The following RAD51B variants were observed in gnomAD, a reference collection of about 807,000 sequenced individuals.
RAD51B encodes the protein DNA repair protein RAD51 homolog 2.
In RAD51B, 38 loss-of-function variants were observed where a neutral mutation model predicts 42.2. The observed-to-expected ratio is 0.90, with a 90% CI of 0.70 to 1.18. RAD51B has a LOEUF of 1.18. Among genes scored for constraint, RAD51B ranks in the 50% most tolerant of loss-of-function variants. The pLI is 0.00. For synonymous variants in RAD51B, 154 were observed against 145.2 expected, an observed-to-expected ratio of 1.06 and a Z score of -0.43; for missense variants, 373 against 400.7, an observed-to-expected ratio of 0.93 and a Z score of 0.59.
At chr14:68,143,022 G>A (rs576004108) in intron 7 of RAD51B, among the ~76,000 whole-genome samples, 1 of 151,464 alleles carries the variant, frequency 6.6e-6, no homozygotes, top group Admixed American at 6.6e-5. Flanking sequence ...CGAGGGGGTG[G>A]GGGGGGAGTT....
At chr14:67,908,131 A>T (rs1407411832) in intron 7 of RAD51B, among the ~76,000 whole-genome samples, 1 of 152,194 alleles carries the variant, frequency 6.6e-6, no homozygotes, top group African/African-American at 2.4e-5. Context: ...ATGGTTGTCA[A>T]CTTTGAGGAT....
At chr14:68,099,384 C>T (rs566164785) in intron 7 of RAD51B, among the ~76,000 whole-genome samples, 71 of 152,318 alleles carry the variant, frequency 4.7e-4, no homozygotes, top group African/African-American at 1.7e-3. Context: ...CTACTGATTT[C>T]CTTTTCCCAG....
intron 4 of RAD51B, among the ~76,000 whole-genome samples, chr14:67,859,787 A>C (rs1221195358): frequency 6.6e-6 from 1 of 152,226 alleles, no homozygotes; most frequent in Non-Finnish European, 1.5e-5. Context: ...AAAATGGATG[A>C]AATAAAACAT....
intron 7 of RAD51B, among the ~76,000 whole-genome samples, chr14:68,118,937 G>T (rs1256837102): frequency 6.6e-6 from 1 of 151,980 alleles, no homozygotes; most frequent in African/African-American, 2.4e-5. Context: ...CACTTCAAAT[G>T]CAGGGGAACC....
At chr14:68,661,704 T>C (rs1250282440) in intron 11 of RAD51B, among the ~76,000 whole-genome samples, 1 of 152,140 alleles carries the variant, frequency 6.6e-6, no homozygotes, top group Non-Finnish European at 1.5e-5. Context: ...TCAACAGAGA[T>C]CCTTTGAGAC....
intron 7 of RAD51B, 116 bp from the exon 8 acceptor site, chr14:68,291,768 A>G: frequency 2.7e-6 from 2 of 739,980 alleles, no homozygotes; most frequent in Non-Finnish European, 4.6e-6. Flanking sequence ...CTACCTGTGT[A>G]TTTATCAGTC....
chr14:67,835,165 A>C lies in RAD51B; in HGVS notation c.284A>C (p.His95Pro), dbSNP rs375255238. ...TTLSALDEAL[H>P]GGVACGSLTE... ...CTTTCTGCTTTGGACGAAGCCCTGC[A>C]TGGTGGTGTGGCTTGTGGATCCCTC... The change falls in exon 4 of 11, where the codon CAT becomes CCT. Residue 95 changes from histidine to proline, a missense_variant. By Grantham distance (77) the His-to-Pro change is moderately conservative. Transcript: ENST00000471583. The C allele has an allele frequency of 6.2e-7, 1 of 1,613,980 alleles. No homozygotes were observed. Among genetic ancestry groups the C allele is most frequent in the South Asian group, 1.1e-5 (1 of 91,082 alleles).
chr14:68,333,950 C>G (rs749172841), intron 8 of RAD51B, among the ~76,000 whole-genome samples: 11 of 152,194 alleles, frequency 7.2e-5, no homozygotes, highest in Non-Finnish European at 1.5e-4. Flanking sequence ...ACACCCCAGC[C>G]TCTGGTAACC....
chr14:68,239,440 G>A (rs1207286560), intron 7 of RAD51B, among the ~76,000 whole-genome samples: 1 of 151,900 alleles, frequency 6.6e-6, no homozygotes, highest in African/African-American at 2.4e-5. Context: ...TGATCCTCCA[G>A]AGACGGAAGC....
intron 7 of RAD51B, among the ~76,000 whole-genome samples, chr14:68,128,912 A>G (rs11158720): frequency 0.073 from 11,180 of 152,168 alleles, 1,202 homozygotes; most frequent in African/African-American, 0.24. Context: ...TTTCCTAGAG[A>G]TGAGAAGGTA....
intron 8 of RAD51B, among the ~76,000 whole-genome samples, chr14:68,379,328 T>C (rs927757180): frequency 1.3e-5 from 2 of 152,174 alleles, no homozygotes; most frequent in Admixed American, 6.5e-5. Flanking sequence ...TTGCCAACAT[T>C]TTTTCAGATT....
At chr14:68,386,427 C>G (rs2083595538) in intron 8 of RAD51B, among the ~76,000 whole-genome samples, 1 of 152,190 alleles carries the variant, frequency 6.6e-6, no homozygotes, top group Non-Finnish European at 1.5e-5. Context: ...CAATAACATA[C>G]CTTTCCCCAG....
intron 7 of RAD51B, among the ~76,000 whole-genome samples, chr14:68,203,969 GTCT>G (rs1032039503): frequency 6.6e-6 from 1 of 152,200 alleles, no homozygotes; most frequent in Non-Finnish European, 1.5e-5. Flanking sequence ...GGCTGGTTTG[GTCT>G]TCTAGCTAAA....
chr14:68,597,243 C>T (rs745527736), downstream of RAD51B, among the ~76,000 whole-genome samples: 4 of 152,146 alleles, frequency 2.6e-5, no homozygotes, highest in Non-Finnish European at 5.9e-5. Flanking sequence ...AGCTGTGCAC[C>T]GTCTGGGGGA....
intron 7 of RAD51B, among the ~76,000 whole-genome samples, chr14:68,139,357 G>A (rs4902550): frequency 0.1 from 15,620 of 151,922 alleles, 2,431 homozygotes; most frequent in African/African-American, 0.34. Context: ...AGCAGATACT[G>A]CATACATAAA....
intron 9 of RAD51B, among the ~76,000 whole-genome samples, chr14:68,439,197 C>T (rs1594839866): frequency 1.3e-5 from 2 of 152,018 alleles, no homozygotes; most frequent in Admixed American, 1.3e-4. Flanking sequence ...CTCTCTCACA[C>T]ACACATTCCT....
chr14:68,085,436 G>T (rs1007213186), intron 7 of RAD51B, among the ~76,000 whole-genome samples: 1 of 152,230 alleles, frequency 6.6e-6, no homozygotes, highest in South Asian at 2.1e-4. Flanking sequence ...AAGAGAGGAG[G>T]GACTGGAGAA....
intron 4 of RAD51B, chr14:67,864,641 A>T (rs1156801201): frequency 2.1e-5 from 6 of 290,882 alleles, no homozygotes; most frequent in Non-Finnish European, 4.1e-5. Flanking sequence ...TCCTATTATA[A>T]ATATCTTCAT....
intron 7 of RAD51B, among the ~76,000 whole-genome samples, chr14:68,122,169 T>G (rs1349306094): frequency 6.6e-6 from 1 of 152,134 alleles, no homozygotes; most frequent in Non-Finnish European, 1.5e-5. Context: ...AGATAATTTC[T>G]ACATTAGAAA....
Sources: gnomAD v4.1 joint callset for allele counts (sites outside exome capture counted in the v4.1 genomes callset) on GRCh38, gnomAD v4.1.1 for gene constraint, MANE v1.5 for transcripts, NCBI Gene and HGNC (gene_info 2026-07-23, HGNC 2026-07-21) for gene names.